Variants in CRHBP observed in about 807,000 individuals in gnomAD.
CRHBP encodes the protein corticotropin-releasing hormone-binding protein.
A neutral mutation model predicts 34.9 loss-of-function variants in CRHBP; 19 were observed. That is an observed-to-expected ratio of 0.55 (90% CI 0.38 to 0.80). The LOEUF is 0.80. Among genes scored for constraint, CRHBP ranks in the 30% least tolerant of loss-of-function variants. The pLI is 0.00. For synonymous variants in CRHBP, 154 were observed against 153.4 expected, an observed-to-expected ratio of 1.00 and a Z score of -0.03; for missense variants, 328 against 409.2, an observed-to-expected ratio of 0.80 and a Z score of 1.71.
intron 4 of CRHBP, 87 bp from the exon 5 acceptor site, chr5:76,958,654 A>T (rs1397784931): frequency 7.0e-7 from 1 of 1,426,434 alleles, no homozygotes; most frequent in South Asian, 1.4e-5. Flanking sequence ...CATGAACAGG[A>T]GCCCTAGAAT....
At chr5:76,978,386 T>C (rs1746071803) in intron 3 of CRHBP, among the ~76,000 whole-genome samples, 1 of 152,218 alleles carries the variant, frequency 6.6e-6, no homozygotes, top group Non-Finnish European at 1.5e-5. Context: ...GCCAAGCTCA[T>C]GTACCATTCT....
At chr5:76,971,742 C>T (rs192787796), downstream of CRHBP, among the ~76,000 whole-genome samples, 31 of 152,294 alleles carry the variant, frequency 2.0e-4, no homozygotes, top group Admixed American at 1.8e-3. Flanking sequence ...TCTTGTCTGA[C>T]GTTCTGGTCA....
Position 76,954,169 on chromosome 5 carries a change from G to C in CRHBP, c.316G>C (p.Gly106Arg), listed in dbSNP as rs1430154745. 6.2e-7 allele frequency: 1 copy of C among 1,613,244 alleles called. No homozygotes were observed. The highest frequency in any genetic ancestry group is 8.5e-7 in the Non-Finnish European group (1 of 1,179,724). ...CGACCAGGTCTCCATCGACTGTCAG[G>C]GCGGCGACTTCCTGAAGGTGAGGCG... ...HYDQVSIDCQ[G>R]GDFLKVFDGW... The change falls in exon 3 of 7, where the codon GGC becomes CGC. Residue 106 changes from glycine (G) to arginine (R), a missense_variant. Physicochemically the swap from Gly to Arg is moderately radical, Grantham distance 125. Around this residue, in one of 3 missense-constraint regions of CRHBP, gnomAD observed 173 missense variants for 172.2 expected, o/e 1.00. Coordinates refer to ENST00000274368, the MANE Select transcript of CRHBP (RefSeq NM_001882.4).
intron 6 of CRHBP, among the ~76,000 whole-genome samples, chr5:76,965,676 A>G (rs1745850468): frequency 6.6e-6 from 1 of 152,206 alleles, no homozygotes; most frequent in Non-Finnish European, 1.5e-5. Flanking sequence ...CTTGAATTAG[A>G]AAAAAAGGTG....
intron 3 of CRHBP, among the ~76,000 whole-genome samples, chr5:76,976,768 T>C (rs151300975): frequency 6.6e-6 from 1 of 152,348 alleles, no homozygotes; most frequent in African/African-American, 2.4e-5. Context: ...TAAAATGTTT[T>C]CTATTTCAAG....
chr5:76,972,251 G>A (rs1745958605), downstream of CRHBP, among the ~76,000 whole-genome samples: 1 of 151,970 alleles, frequency 6.6e-6, no homozygotes, highest in African/African-American at 2.4e-5. Flanking sequence ...TGTAATCCCA[G>A]CACTTTGGGA....
chr5:76,958,029 CAT>C (rs1339467822), intron 4 of CRHBP, among the ~76,000 whole-genome samples: 10 of 151,714 alleles, frequency 6.6e-5, no homozygotes, highest in Non-Finnish European at 1.5e-4. Flanking sequence ...TGTTGTGGCA[CAT>C]GTCTGTAGTC....
downstream of CRHBP, among the ~76,000 whole-genome samples, chr5:76,972,199 TAA>T (rs1185162755): frequency 6.9e-6 from 1 of 144,684 alleles, no homozygotes; most frequent in Non-Finnish European, 1.5e-5. Flanking sequence ...TGTGGCTAAT[TAA>T]AAAAAAAAAA....
At chr5:76,954,446 T>A (rs1745633483) in intron 3 of CRHBP, among the ~76,000 whole-genome samples, 1 of 152,162 alleles carries the variant, frequency 6.6e-6, no homozygotes, top group Non-Finnish European at 1.5e-5. Flanking sequence ...TGGTTTAAAT[T>A]CCCTTCTGGG....
chr5:76,968,485 T>G (rs1028399337), intron 6 of CRHBP, among the ~76,000 whole-genome samples: 1 of 152,240 alleles, frequency 6.6e-6, no homozygotes, highest in African/African-American at 2.4e-5. Flanking sequence ...AGTTTTATTT[T>G]TTAATAGTGT....
rs1745657579 is a variant in CRHBP at position 76,955,688 on chromosome 5, C to T, written c.369C>T (p.Phe123=). 6.2e-7 allele frequency: 1 copy of T among 1,614,044 alleles called. No homozygotes were observed. The highest frequency in any genetic ancestry group is 8.5e-7 in the Non-Finnish European group (1 of 1,179,992). The change falls in exon 4 of 7, where the codon TTC becomes TTT. Residue 123 remains phenylalanine (F), a synonymous_variant. Coordinates refer to ENST00000274368, the MANE Select transcript of CRHBP (RefSeq NM_001882.4). ...GTTGGATTCTCAAGGGGGAGAAGTT[C>T]CCCAGTTCCCAGGATCATCCTCTCC... ...FDGWILKGEK[F]PSSQDHPLPS...
At chr5:76,955,925 C>T in intron 4 of CRHBP, 62 bp downstream of exon 4, 2 of 1,439,486 alleles carry the variant, frequency 1.4e-6, no homozygotes, top group Non-Finnish European at 1.9e-6. Flanking sequence ...AAAGTAGTAT[C>T]ATTGCACAGA....
chr5:76,956,664 C>G (rs1178499431), intron 4 of CRHBP, among the ~76,000 whole-genome samples: 1 of 151,172 alleles, frequency 6.6e-6, no homozygotes, highest in East Asian at 1.9e-4. Flanking sequence ...GTGGAGCTTG[C>G]AGTGAGCTGA....
chr5:76,963,521 C>T, intron 6 of CRHBP, 61 bp downstream of exon 6: 1 of 1,431,670 alleles, frequency 7.0e-7, no homozygotes, highest in Non-Finnish European at 9.7e-7. Context: ...AATAAGCACT[C>T]CCCTAATATT....
At position 76,955,739 on chromosome 5, in the gene CRHBP, C is replaced by T; in HGVS notation, c.420C>T (p.Phe140=). The change falls in exon 4 of 7, where the codon TTC becomes TTT. Residue 140 remains phenylalanine (F), a synonymous_variant. Coordinates refer to ENST00000274368, the MANE Select transcript of CRHBP (RefSeq NM_001882.4). ...PLPSAERYID[F]CESGLSRRSI... ...CCTCAGCTGAGCGGTACATAGATTT[C>T]TGTGAGAGTGGTCTTAGCAGGAGGA... 6.2e-7 allele frequency: 1 copy of T among 1,614,216 alleles called. No individual in the cohort carries two copies. The highest frequency in any genetic ancestry group is 1.3e-5 in the African/African-American group (1 of 75,060).
chr5:76,953,807 A>C, intron 2 of CRHBP, 113 bp downstream of exon 2: 1 of 1,248,510 alleles, frequency 8.0e-7, no homozygotes, highest in Non-Finnish European at 1.1e-6. Context: ...CGGAACCGCC[A>C]GGGGCGCGGT....
At chr5:76,975,825 A>AAAAAAAATATATATATATATAT in intron 2 of CRHBP, among the ~76,000 whole-genome samples, 1 of 61,852 alleles carries the variant, frequency 1.6e-5, no homozygotes, top group African/African-American at 9.1e-5. Context: ...AAAAAAAAAA[A>AAAAAAAATATATATATATATAT]ATATATATAT....
chr5:76,965,079 G>T (rs1169746105), intron 6 of CRHBP, among the ~76,000 whole-genome samples: 1 of 151,984 alleles, frequency 6.6e-6, no homozygotes, highest in African/African-American at 2.4e-5. Context: ...ATTGTATTAG[G>T]TACTATAGGT....
At chr5:76,956,594 G>A (rs1745672235) in intron 4 of CRHBP, among the ~76,000 whole-genome samples, 1 of 152,146 alleles carries the variant, frequency 6.6e-6, no homozygotes, top group Admixed American at 6.5e-5. Context: ...AATTAGCTGG[G>A]CGTGGTGGTG....
Sources: allele counts gnomAD v4.1 joint callset (sites outside exome capture counted in the v4.1 genomes callset), GRCh38; gene constraint gnomAD v4.1.1; regional missense constraint gnomAD v4.1.1; transcripts MANE v1.5; gene names NCBI Gene and HGNC (gene_info 2026-07-23, HGNC 2026-07-21).